Variants in TASP1 observed in about 807,000 individuals in gnomAD.
TASP1 encodes taspase 1.
In TASP1, 16 loss-of-function variants were observed where a neutral mutation model predicts 56.6. The observed-to-expected ratio is 0.28, with a 90% CI of 0.19 to 0.43. The LOEUF (loss-of-function observed/expected upper bound fraction) is 0.43, where lower values mean the gene tolerates loss of function less well. TASP1 is among the 20% of genes least tolerant of loss of function. The pLI is 1.00. For synonymous variants in TASP1, 179 were observed against 184.2 expected (o/e 0.97, Z 0.23); for missense variants, 393 against 511.6 (o/e 0.77, Z 2.24).
rs2273479 is a variant in TASP1 at position 13,483,208 on chromosome 20, T to C, written c.985+19A>G. The C allele has an allele frequency of 0.027, 41,006 of 1,511,580 alleles. 1,073 individuals are homozygous for C. The highest frequency in any genetic ancestry group is 0.11 in the African/African-American group (7,567 of 71,546). The allele number at this position is 1,511,580 out of a possible 1,614,324, so 93.6% of individuals were successfully genotyped here. A position where few individuals can be genotyped will look rare whatever the true frequency, so the allele number is the denominator to read the frequency against. ...TAATCCATATTTAGAAGATGTAATC[T>C]TCTTAATGTTATACTTACTGATAAA... On this transcript the variant is annotated intron_variant, in intron 11 of 13. Coordinates refer to ENST00000337743, the MANE Select transcript of TASP1 (RefSeq NM_017714.3).
intron 1 of TASP1, 102 bp from the exon 2 acceptor site, chr20:13,630,254 A>T (rs2049034616): frequency 1.6e-6 from 1 of 612,066 alleles, no homozygotes. Context: ...CCTATTTTTA[A>T]GTTATTTAAT....
chr20:13,542,757 A>C (rs2045668837), intron 8 of TASP1, among the ~76,000 whole-genome samples: 1 of 152,142 alleles, frequency 6.6e-6, no homozygotes, highest in African/African-American at 2.4e-5. Flanking sequence ...ATCAAAATGG[A>C]AACAAAAAAT....
chr20:13,593,183 C>T (rs1176072809), intron 4 of TASP1, among the ~76,000 whole-genome samples: 2 of 152,080 alleles, frequency 1.3e-5, no homozygotes, highest in African/African-American at 2.4e-5. Context: ...AACCAAGTAG[C>T]GTTTATTCCA....
intron 10 of TASP1, among the ~76,000 whole-genome samples, chr20:13,498,906 T>C (rs2043839520): frequency 1.3e-5 from 2 of 151,696 alleles, no homozygotes; most frequent in African/African-American, 2.4e-5. Flanking sequence ...AGTTTGGAGA[T>C]TTCTTCTCAA....
the TASP1 span, among the ~76,000 whole-genome samples, chr20:13,114,418 G>T: frequency 6.6e-6 from 1 of 152,146 alleles, no homozygotes; most frequent in Non-Finnish European, 1.5e-5. Flanking sequence ...CTTGAGGTGT[G>T]GTGTCCCAAA....
chr20:13,556,523 A>G (rs2046162753), intron 8 of TASP1, among the ~76,000 whole-genome samples: 1 of 152,152 alleles, frequency 6.6e-6, no homozygotes, highest in South Asian at 2.1e-4. Flanking sequence ...AAATAAATAA[A>G]ATTCTTGAAT....
chr20:13,211,826 A>G, the TASP1 span, among the ~76,000 whole-genome samples: 2 of 152,154 alleles, frequency 1.3e-5, no homozygotes, highest in Non-Finnish European at 1.5e-5. Flanking sequence ...TGTAAGTTCC[A>G]TGAGCAAAGA....
At chr20:13,157,731 T>C in the TASP1 span, among the ~76,000 whole-genome samples, 1,873 of 152,310 alleles carry the variant, frequency 0.012, 15 homozygotes, top group Non-Finnish European at 0.019. Context: ...ATATTATCTA[T>C]TACAGGTAGG....
chr20:13,189,401 G>A, the TASP1 span, among the ~76,000 whole-genome samples: 1 of 151,996 alleles, frequency 6.6e-6, no homozygotes, highest in Non-Finnish European at 1.5e-5. Flanking sequence ...TTTGCAAACT[G>A]TGCATCTGAC....
chr20:13,424,190 G>A (rs2042545028), intron 12 of TASP1, among the ~76,000 whole-genome samples: 1 of 152,120 alleles, frequency 6.6e-6, no homozygotes, highest in Non-Finnish European at 1.5e-5. Flanking sequence ...AGAGACATTT[G>A]TGAGTAAGTT....
the TASP1 span, among the ~76,000 whole-genome samples, chr20:13,350,340 T>G: frequency 6.6e-6 from 1 of 152,208 alleles, no homozygotes; most frequent in South Asian, 2.1e-4. Flanking sequence ...TAACTAAATT[T>G]CAATTGCCAT....
the TASP1 span, among the ~76,000 whole-genome samples, chr20:13,257,226 G>C: frequency 6.6e-6 from 1 of 152,180 alleles, no homozygotes; most frequent in African/African-American, 2.4e-5. Flanking sequence ...TTCTTTAAGA[G>C]AGTATCGGCC....
At chr20:13,187,732 CAAAAAAAAA>C in the TASP1 span, among the ~76,000 whole-genome samples, 1 of 57,154 alleles carries the variant, frequency 1.7e-5, no homozygotes, top group Non-Finnish European at 3.1e-5. Flanking sequence ...GACTCCATCT[CAAAAAAAAA>C]AAAAAAAAAA....
Position 13,571,003 on chromosome 20 carries a change from C to T in TASP1, c.489-1417G>A, listed in dbSNP as rs1239566059. On this transcript the variant is annotated intron_variant, in intron 6 of 13. Coordinates refer to ENST00000337743, the MANE Select transcript of TASP1 (RefSeq NM_017714.3). ...AGTTAATCTAATATTCTCAGCACTC[C>T]CATTGGTCACTTTGGGTTCAATTCC... 3.9e-5 allele frequency among the ~76,000 whole-genome samples: 6 copies of T among 152,228 alleles called. No individual in the cohort carries two copies. The East Asian group carries it at 1.2e-3, about 29-fold the overall frequency.
intron 4 of TASP1, among the ~76,000 whole-genome samples, chr20:13,600,376 C>T (rs2047909668): frequency 6.6e-6 from 1 of 152,004 alleles, no homozygotes; most frequent in South Asian, 2.1e-4. Flanking sequence ...GTGGTATTGA[C>T]ATAAATTTAG....
intron 11 of TASP1, among the ~76,000 whole-genome samples, chr20:13,437,550 G>A (rs911676735): frequency 3.3e-5 from 5 of 152,272 alleles, no homozygotes; most frequent in Middle Eastern, 3.4e-3. Flanking sequence ...ATTCAATTAC[G>A]AAAAGAGGAA....
At chr20:13,611,154 T>G (rs113537929) in intron 4 of TASP1, among the ~76,000 whole-genome samples, 10 of 152,344 alleles carry the variant, frequency 6.6e-5, no homozygotes, top group African/African-American at 2.4e-4. Context: ...ATTTTTCTTA[T>G]GTTTTCCATT....
chr20:13,174,745 T>C, the TASP1 span, among the ~76,000 whole-genome samples: 1 of 152,060 alleles, frequency 6.6e-6, no homozygotes, highest in East Asian at 1.9e-4. Context: ...ACTTCTTTCA[T>C]TACGTCTCAA....
At chr20:13,113,032 AATTAGCCAGGTGTGGTG>A in the TASP1 span, among the ~76,000 whole-genome samples, 1 of 151,990 alleles carries the variant, frequency 6.6e-6, no homozygotes, top group Non-Finnish European at 1.5e-5. Context: ...AAAAGACAAA[AATTAGCCAGGTGTGGTG>A]GTGCACTCCC....
Sources: allele counts gnomAD v4.1 joint callset (sites outside exome capture counted in the v4.1 genomes callset), GRCh38; gene constraint gnomAD v4.1.1; transcripts MANE v1.5; gene names NCBI Gene and HGNC (gene_info 2026-07-23, HGNC 2026-07-21).